The following SLIT3 variants were observed in gnomAD, a reference collection of about 807,000 sequenced individuals.
SLIT3 encodes the protein slit homolog 3 protein.
SLIT3 carries 68 observed loss-of-function variants against 184.0 expected under a neutral mutation model. The ratio of observed to expected loss-of-function variants is 0.37; its 90% CI spans 0.30 to 0.45. The LOEUF is 0.45. SLIT3 is among the 20% of genes least tolerant of loss of function. The pLI, the probability that SLIT3 is intolerant of heterozygous loss-of-function variation, is 1.00. For synonymous variants in SLIT3, 831 were observed against 828.6 expected, an observed-to-expected ratio of 1.00 and a Z score of -0.05; for missense variants, 1,707 against 2,026.0, an observed-to-expected ratio of 0.84 and a Z score of 3.02.
At chr5:168,954,780 T>C (rs1371678038) in intron 4 of SLIT3, among the ~76,000 whole-genome samples, 2 of 152,150 alleles carry the variant, frequency 1.3e-5, no homozygotes, top group Non-Finnish European at 2.9e-5. Flanking sequence ...GGTAAACTGA[T>C]GAGTAAAGAG....
intron 1 of SLIT3, among the ~76,000 whole-genome samples, chr5:169,284,797 T>C (rs1767101839): frequency 6.6e-6 from 1 of 152,222 alleles, no homozygotes; most frequent in Non-Finnish European, 1.5e-5. Flanking sequence ...GTGTTAGGCA[T>C]TTTGCATTTA....
intron 7 of SLIT3, among the ~76,000 whole-genome samples, chr5:168,821,688 G>A (rs889466657): frequency 1.6e-4 from 24 of 152,294 alleles, no homozygotes; most frequent in African/African-American, 5.3e-4. Context: ...TTATAATAAC[G>A]AGTATTTGTT....
At chr5:169,219,595 G>A (rs1347231187) in intron 3 of SLIT3, among the ~76,000 whole-genome samples, 1 of 152,118 alleles carries the variant, frequency 6.6e-6, no homozygotes, top group Non-Finnish European at 1.5e-5. Flanking sequence ...AGGTGGCAGG[G>A]GTGGGCCCTG....
chr5:169,261,761 C>A (rs922305589), intron 1 of SLIT3, among the ~76,000 whole-genome samples: 2 of 152,214 alleles, frequency 1.3e-5, no homozygotes, highest in African/African-American at 4.8e-5. Flanking sequence ...CTTGAGTGGG[C>A]AGAACCTAGA....
In SLIT3 at chr5:168,741,687, T is replaced by C. The variant is rs563818918; in HGVS notation, c.2270+6615A>G. Reference sequence around the variant, plus strand: ...ATACCTGAGAGAAGAGCCATGGGGATACAAGTGAGAGGCACCTAACCCAGT... The same window carrying C: ...ATACCTGAGAGAAGAGCCATGGGGACACAAGTGAGAGGCACCTAACCCAGT... On this transcript the variant is annotated intron_variant, in intron 20 of 35. Transcript: ENST00000519560. 3.7e-3 allele frequency among the ~76,000 whole-genome samples: 559 copies of C among 152,034 alleles called. 4 individuals carry two copies. Among genetic ancestry groups the C allele is most frequent in the Middle Eastern group, 6.8e-3 (2 of 294 alleles).
intron 4 of SLIT3, among the ~76,000 whole-genome samples, chr5:169,173,147 GCTA>G (rs1762867768): frequency 6.6e-6 from 1 of 152,174 alleles, no homozygotes; most frequent in Non-Finnish European, 1.5e-5. Flanking sequence ...TATAATCCCA[GCTA>G]CTTGGGAGGT....
intron 4 of SLIT3, among the ~76,000 whole-genome samples, chr5:168,931,122 T>C (rs1761977030): frequency 1.3e-5 from 2 of 152,318 alleles, no homozygotes; most frequent in Admixed American, 6.5e-5. Flanking sequence ...CTTATTGGTA[T>C]AGCCCATGAT....
intron 4 of SLIT3, among the ~76,000 whole-genome samples, chr5:169,178,479 C>T (rs1763049198): frequency 6.6e-6 from 1 of 152,200 alleles, no homozygotes; most frequent in African/African-American, 2.4e-5. Flanking sequence ...TTACACAGAG[C>T]TTGGCACAGA....
intron 15 of SLIT3, among the ~76,000 whole-genome samples, chr5:168,761,793 C>T (rs1561917725): frequency 6.6e-6 from 1 of 151,856 alleles, no homozygotes; most frequent in Non-Finnish European, 1.5e-5. Flanking sequence ...GGCTGGAGTG[C>T]AGTGGTATGA....
chr5:168,808,524 T>C (rs1216398408), intron 8 of SLIT3, among the ~76,000 whole-genome samples: 1 of 152,238 alleles, frequency 6.6e-6, no homozygotes, highest in African/African-American at 2.4e-5. Flanking sequence ...TTTATTAGAA[T>C]ACACGGCACA....
intron 4 of SLIT3, among the ~76,000 whole-genome samples, chr5:169,079,880 A>AGGAAGAGCAAAG (rs1266148800): frequency 7.2e-6 from 1 of 139,680 alleles, no homozygotes; most frequent in African/African-American, 2.8e-5. Context: ...GTGGAGGAGG[A>AGGAAGAGCAAAG]GGAAGAGCAA....
intron 4 of SLIT3, among the ~76,000 whole-genome samples, chr5:168,944,285 AG>A (rs112140409): frequency 6.6e-6 from 1 of 152,108 alleles, no homozygotes; most frequent in Non-Finnish European, 1.5e-5. Flanking sequence ...CTTGTGGGGC[AG>A]GGTGTTAGCA....
At chr5:169,261,810 G>C (rs547113402) in intron 1 of SLIT3, among the ~76,000 whole-genome samples, 2 of 152,168 alleles carry the variant, frequency 1.3e-5, no homozygotes, top group African/African-American at 2.4e-5. Context: ...AAAGGTGGTC[G>C]GATGTCACCT....
intron 4 of SLIT3, among the ~76,000 whole-genome samples, chr5:168,888,161 T>C (rs541257410): frequency 2.6e-5 from 4 of 152,280 alleles, no homozygotes; most frequent in African/African-American, 9.6e-5. Context: ...GGAAACCTAA[T>C]GGAAAAGGCA....
intron 4 of SLIT3, among the ~76,000 whole-genome samples, chr5:169,152,604 G>C (rs1762153640): frequency 6.6e-6 from 1 of 152,138 alleles, no homozygotes; most frequent in Non-Finnish European, 1.5e-5. Context: ...TATGGGCTGA[G>C]AGTCTACTCT....
At chr5:169,000,811 T>C (rs955690322) in intron 4 of SLIT3, among the ~76,000 whole-genome samples, 3 of 152,210 alleles carry the variant, frequency 2.0e-5, no homozygotes, top group African/African-American at 7.2e-5. Flanking sequence ...GGCTATTCAA[T>C]TACAACTGAC....
intron 29 of SLIT3, among the ~76,000 whole-genome samples, chr5:168,687,933 C>T (rs949452070): frequency 6.6e-6 from 1 of 152,188 alleles, no homozygotes; most frequent in Non-Finnish European, 1.5e-5. Context: ...CTGGCCCTTC[C>T]TAAAAGAGTG....
chr5:168,685,004 G>A (rs960281694), intron 31 of SLIT3, among the ~76,000 whole-genome samples: 8 of 152,178 alleles, frequency 5.3e-5, no homozygotes, highest in Non-Finnish European at 1.0e-4. Flanking sequence ...AGGCTGGAGT[G>A]CAGTGGCATG....
intron 10 of SLIT3, among the ~76,000 whole-genome samples, chr5:168,794,164 A>C (rs1429959777): frequency 6.6e-6 from 1 of 152,196 alleles, no homozygotes; most frequent in African/African-American, 2.4e-5. Context: ...AAAGCAATGA[A>C]TCAGCCTCGT....
Sources: allele counts gnomAD v4.1 joint callset (sites outside exome capture counted in the v4.1 genomes callset), GRCh38; gene constraint gnomAD v4.1.1; transcripts MANE v1.5; gene names NCBI Gene and HGNC (gene_info 2026-07-23, HGNC 2026-07-21).